ADCK2: variants seen among roughly 807,000 people sequenced by gnomAD.
The protein encoded by ADCK2 is uncharacterized aarF domain-containing protein kinase 2.
In ADCK2, 37 loss-of-function variants were observed where a neutral mutation model predicts 52.3. That is an observed-to-expected ratio of 0.71 (90% confidence interval 0.54 to 0.93). The LOEUF (loss-of-function observed/expected upper bound fraction) is 0.93. Ranked by LOEUF, ADCK2 falls within the 40% of genes least tolerant of loss-of-function variation. ADCK2 has a pLI of 0.00. For synonymous variants in ADCK2, 321 were observed against 349.2 expected, an observed-to-expected ratio of 0.92 and a Z score of 0.90; for missense variants, 695 against 798.7, an observed-to-expected ratio of 0.87 and a Z score of 1.56.
intron 4 of ADCK2, among the ~76,000 whole-genome samples, chr7:140,686,657 G>A (rs1312176965): frequency 6.6e-6 from 1 of 152,138 alleles, no homozygotes; most frequent in Non-Finnish European, 1.5e-5. Flanking sequence ...ATAGCTCTGT[G>A]TAACCTTGAA....
chr7:140,674,252 G>T lies in ADCK2; in HGVS notation c.922G>T (p.Val308Leu). Residue 308 changes from valine (V) to leucine (L), a missense_variant, in exon 1 of 8, where the codon GTG (valine) becomes TTG (leucine). Val to Leu is a conservative substitution (Grantham distance 32). Transcript: ENST00000072869. This position sits in a 1 kb window ranked among gnomAD's most constrained non-coding sequence, Gnocchi z 4.6. ...ACCTGAGGCCACCAACCTCATCTCC[G>T]TGGCAGTGAAAGTAAGTGTTGTGAG... ...HQPEATNLIS[V>L]AVKVLHPGLL... 3 of 1,610,838 alleles carry T rather than the reference G, an allele frequency of 1.9e-6. No individual in the cohort carries two copies. The highest frequency in any genetic ancestry group is 8.5e-7 in the Non-Finnish European group (1 of 1,178,286).
chr7:140,689,768 C>G (rs752341682), intron 6 of ADCK2, 43 bp downstream of exon 6: 1 of 1,565,950 alleles, frequency 6.4e-7, no homozygotes, highest in Admixed American at 1.8e-5. Context: ...GAGTCCATAC[C>G]TGGCCTGGGG....
chr7:140,679,113 T>TA, intron 2 of ADCK2, 42 bp from the exon 3 acceptor site: 2 of 1,608,530 alleles, frequency 1.2e-6, no homozygotes, highest in Admixed American at 3.3e-5. Flanking sequence ...ACTGTGCCTG[T>TA]ACCCAGACTA....
chr7:140,685,788 C>T (rs1034282244), intron 4 of ADCK2, among the ~76,000 whole-genome samples: 16 of 152,172 alleles, frequency 1.1e-4, no homozygotes, highest in African/African-American at 3.9e-4. Flanking sequence ...TCTGCTCCTG[C>T]CTTGGTCTCT....
Position 140,678,255 on chromosome 7 carries a change from G to C in ADCK2, c.1081-900G>C, listed in dbSNP as rs1794453469. ...GCACGGAGGGGAAGAGAGAAGGCAT[G>C]ATCTGGGGACTCAAAGGTGACTGAG... On this transcript the variant is annotated intron_variant, in intron 2 of 7. Coordinates refer to ENST00000072869, the MANE Select transcript of ADCK2 (RefSeq NM_052853.4). The surrounding 1 kb of genome is among the most constrained non-coding windows in gnomAD (Gnocchi z 4.9). Among the ~76,000 whole-genome samples, 1 of 152,170 alleles carries C rather than the reference G, an allele frequency of 6.6e-6. No homozygotes were observed. Among genetic ancestry groups the C allele is most frequent in the Non-Finnish European group, 1.5e-5 (1 of 68,028 alleles).
chr7:140,680,102 T>G (rs1017480445), intron 3 of ADCK2, among the ~76,000 whole-genome samples: 10 of 152,166 alleles, frequency 6.6e-5, no homozygotes, highest in African/African-American at 2.4e-4. Flanking sequence ...GGTTCTTTTA[T>G]TTGTTAATTA....
chr7:140,692,073 C>T (rs572821385), intron 7 of ADCK2, among the ~76,000 whole-genome samples: 1 of 152,312 alleles, frequency 6.6e-6, no homozygotes, highest in South Asian at 2.1e-4. Flanking sequence ...TGATGAAAAA[C>T]ACATAAAATT....
chr7:140,673,170 T>G lies in ADCK2; in HGVS notation c.-161T>G. ...TCGGGCGGGGCGCGGGCCTCCGGCCTGAGGCCCGGCGAGGTGCTGGAGGGA... is the reference window on the plus strand; with the variant it reads ...TCGGGCGGGGCGCGGGCCTCCGGCCGGAGGCCCGGCGAGGTGCTGGAGGGA... On this transcript the variant is annotated 5_prime_UTR_variant, in exon 1 of 8. Transcript: ENST00000072869. The surrounding 1 kb of genome is among the most constrained non-coding windows in gnomAD (Gnocchi z 6.4). The G allele has an allele frequency of 4.4e-6, 2 of 455,954 alleles. No homozygotes were observed. The highest frequency in any genetic ancestry group is 7.0e-6 in the Non-Finnish European group (2 of 286,240). 28.2% of individuals were successfully genotyped at this position (455,954 alleles called of 1,614,324 possible).
chr7:140,677,175 C>T (rs886890841), intron 2 of ADCK2, among the ~76,000 whole-genome samples: 10 of 152,024 alleles, frequency 6.6e-5, no homozygotes, highest in African/African-American at 1.7e-4. Flanking sequence ...TGGGAGGCGG[C>T]GTCAGGTGGA....
At chr7:140,681,591 A>G (rs1191160690) in intron 4 of ADCK2, among the ~76,000 whole-genome samples, 1 of 151,952 alleles carries the variant, frequency 6.6e-6, no homozygotes, top group Admixed American at 6.6e-5. Flanking sequence ...AAGTGCTGGG[A>G]TTACAGGTGT....
In ADCK2 at chr7:140,687,072, A is replaced by G. The variant is rs1448149743; in HGVS notation, c.1388A>G (p.Gln463Arg). ...GGTGCCAACGGCCTGTCCTCGAGTC[A>G]GGAGGCGCAGCTGCAGCAGGCGGAC... The part of the protein sequence containing the change: ...VQGANGLSSS[Q>R]EAQLQQADIC... Residue 463 changes from glutamine (Q) to arginine (R), a missense_variant, in exon 5 of 8, where the codon CAG becomes CGG. By Grantham distance (43) the Gln-to-Arg change is conservative. Transcript: ENST00000072869. The G allele has an allele frequency of 6.2e-7, 1 of 1,613,924 alleles. No homozygotes were observed. The highest frequency in any genetic ancestry group is 1.7e-5 in the Admixed American group (1 of 60,002).
chr7:140,674,043 T>A lies in ADCK2; in HGVS notation c.713T>A (p.Leu238Gln). The change falls in exon 1 of 8, where the codon CTG becomes CAG. Residue 238 changes from leucine (L) to glutamine (Q), a missense_variant. Transcript: ENST00000072869. The surrounding 1 kb of genome is among the most constrained non-coding windows in gnomAD (Gnocchi z 4.6). ...CAGAGACTTGGCAGGGCCTCCTGTC[T>A]GCCGCCCTTCTCACATACTGGGGCA... ...SVQRLGRASC[L>Q]PPFSHTGAVG... is the part of the protein sequence containing the mutation. 1 of 1,614,130 alleles carries A rather than the reference T, an allele frequency of 6.2e-7. No homozygotes were observed. Among genetic ancestry groups the A allele is most frequent in the Non-Finnish European group, 8.5e-7 (1 of 1,180,030 alleles).
intron 7 of ADCK2, among the ~76,000 whole-genome samples, chr7:140,691,288 T>TAGTCTATCTGTCAAGTCAGTGC (rs1348756315): frequency 1.3e-5 from 2 of 152,254 alleles, no homozygotes; most frequent in African/African-American, 2.4e-5. Flanking sequence ...TCGTAGCTGT[T>TAGTCTATCTGTCAAGTCAGTGC]AGTCTATCTG....
chr7:140,680,988 C>G, intron 3 of ADCK2, 54 bp from the exon 4 acceptor site: 1 of 1,534,354 alleles, frequency 6.5e-7, no homozygotes, highest in Non-Finnish European at 9.0e-7. Flanking sequence ...GGAGGAGGAG[C>G]CAGCATCACA....
chr7:140,676,046 C>CA (rs1794407829), intron 2 of ADCK2, among the ~76,000 whole-genome samples: 1 of 152,206 alleles, frequency 6.6e-6, no homozygotes, highest in Non-Finnish European at 1.5e-5. Flanking sequence ...TAGAAAGTCT[C>CA]TTAGTCTGTT....
intron 6 of ADCK2, among the ~76,000 whole-genome samples, chr7:140,690,317 C>T (rs2930316): frequency 0.052 from 7,924 of 152,218 alleles, 249 homozygotes; most frequent in Non-Finnish European, 0.069. Context: ...ATTCTCCTGC[C>T]TCAGCCTCCC....
At position 140,693,721 on chromosome 7, in the gene ADCK2, T is replaced by C. The variant is rs1223594443; in HGVS notation, c.1741-942T>C. Among the ~76,000 whole-genome samples the C allele has an allele frequency of 6.6e-6, 1 of 152,154 alleles. No homozygotes were observed. The highest frequency in any genetic ancestry group is 1.5e-5 in the Non-Finnish European group (1 of 68,022). ...TGTGTGTTGTCTCTGATTTTTTTTA[T>C]TTTTTTGAGATGGAGTTTCACTCTG... On this transcript the variant is annotated intron_variant, in intron 7 of 7. Transcript: ENST00000072869. The surrounding 1 kb of genome is among the most constrained non-coding windows in gnomAD (Gnocchi z 4.0).
At position 140,693,654 on chromosome 7, in the gene ADCK2, C is replaced by G. The variant is rs1794745922; in HGVS notation, c.1741-1009C>G. ...CATGTCAATTGCTATTACTACTAAT[C>G]TGGCTCTGAAGGGACAGCTGTACCC... On this transcript the variant is annotated intron_variant, in intron 7 of 7. Coordinates refer to ENST00000072869, the MANE Select transcript of ADCK2 (RefSeq NM_052853.4). This position sits in a 1 kb window ranked among gnomAD's most constrained non-coding sequence, Gnocchi z 4.0. Among the ~76,000 whole-genome samples, 1 of 152,188 alleles carries G rather than the reference C, an allele frequency of 6.6e-6. No homozygotes were observed. Among genetic ancestry groups the G allele is most frequent in the Admixed American group, 6.6e-5 (1 of 15,262 alleles).
chr7:140,681,788 C>T (rs1794521503), intron 4 of ADCK2, among the ~76,000 whole-genome samples: 1 of 152,050 alleles, frequency 6.6e-6, no homozygotes, highest in Non-Finnish European at 1.5e-5. Context: ...CCAAGCCTGG[C>T]TAATTTAAAA....
Sources: gnomAD v4.1 joint callset for allele counts (sites outside exome capture counted in the v4.1 genomes callset) on GRCh38, gnomAD v4.1.1 for gene constraint, Gnocchi (gnomAD v3.1) non-coding constraint, MANE v1.5 for transcripts, NCBI Gene and HGNC (gene_info 2026-07-23, HGNC 2026-07-21) for gene names.